SV2C: variants seen among roughly 807,000 people sequenced by gnomAD.
SV2C encodes the protein synaptic vesicle glycoprotein 2C.
A neutral mutation model predicts 79.7 loss-of-function variants in SV2C; 49 were observed. The observed-to-expected ratio is 0.61, with a 90% CI of 0.49 to 0.78. The LOEUF (loss-of-function observed/expected upper bound fraction) is 0.78, where lower values mean the gene tolerates loss of function less well. Ranked by LOEUF, SV2C falls within the 30% of genes least tolerant of loss-of-function variation. SV2C has a pLI of 0.00. For missense variants in SV2C, 833 were observed against 912.9 expected, an observed-to-expected ratio of 0.91 and a Z score of 1.13; for synonymous variants, 334 against 333.2, an observed-to-expected ratio of 1.00 and a Z score of -0.03.
the SV2C span, chr5:75,921,615 C>T: frequency 1.0e-6 from 1 of 960,738 alleles, no homozygotes. Flanking sequence ...GTGTTCTTCT[C>T]CCCCTTCTTG....
At chr5:76,026,765 G>A in the SV2C span, among the ~76,000 whole-genome samples, 1 of 152,138 alleles carries the variant, frequency 6.6e-6, no homozygotes, top group Admixed American at 6.5e-5. Context: ...AACAAATAAA[G>A]ATGATCCTAG....
At chr5:76,308,913 G>A (rs570878918) in intron 12 of SV2C, among the ~76,000 whole-genome samples, 45 of 152,216 alleles carry the variant, frequency 3.0e-4, no homozygotes, top group South Asian at 4.2e-4. Context: ...TGATACAACC[G>A]TGAGTAAATC....
chr5:75,998,467 A>G, the SV2C span, among the ~76,000 whole-genome samples: 2 of 152,172 alleles, frequency 1.3e-5, no homozygotes, highest in African/African-American at 2.4e-5. Context: ...GAAGGTACCC[A>G]TCCTCAACTG....
intron 4 of SV2C, among the ~76,000 whole-genome samples, chr5:76,269,902 C>T (rs953478870): frequency 2.6e-5 from 4 of 152,164 alleles, no homozygotes; most frequent in Non-Finnish European, 4.4e-5. Context: ...CCTAGAAAAC[C>T]GTTCACTGGG....
At chr5:76,249,333 G>A (rs1458370006) in intron 4 of SV2C, among the ~76,000 whole-genome samples, 2 of 152,120 alleles carry the variant, frequency 1.3e-5, no homozygotes, top group African/African-American at 4.8e-5. Context: ...TTATTTTAAT[G>A]CATTCAAACA....
chr5:76,171,039 G>A lies in SV2C; in HGVS notation c.581-23880G>A, dbSNP rs1242379244. On this transcript the variant is annotated intron_variant, in intron 2 of 12. Transcript: ENST00000502798. ...TCTCAGTCTTTGCCGCCGCGCCGGC[G>A]AGCGCCGCCCGGGAGGCAGCGGCTG... The A allele has an allele frequency of 4.9e-3, 773 of 156,440 alleles. 37 individuals are homozygous for A. Among genetic ancestry groups the A allele is most frequent in the Non-Finnish European group, 3.4e-3 (294 of 87,126 alleles). 9.7% of individuals were successfully genotyped at this position (156,440 alleles called of 1,614,324 possible).
chr5:75,970,701 A>C, the SV2C span, among the ~76,000 whole-genome samples: 44 of 152,180 alleles, frequency 2.9e-4, no homozygotes, highest in African/African-American at 1.0e-3. Flanking sequence ...CAACCAAAAA[A>C]AGTCCAGGAC....
chr5:75,947,152 G>A, the SV2C span, among the ~76,000 whole-genome samples: 901 of 152,098 alleles, frequency 5.9e-3, 8 homozygotes, highest in Non-Finnish European at 9.6e-3. Flanking sequence ...GTGCCAGTGG[G>A]AATAAAGATA....
At chr5:75,991,240 G>A in the SV2C span, among the ~76,000 whole-genome samples, 1 of 151,604 alleles carries the variant, frequency 6.6e-6, no homozygotes. Flanking sequence ...CTGACAATAG[G>A]CACATTGTAG....
intron 2 of SV2C, among the ~76,000 whole-genome samples, chr5:76,188,456 G>A (rs35145554): frequency 0.096 from 14,623 of 152,152 alleles, 888 homozygotes; most frequent in Non-Finnish European, 0.13. Context: ...GGTTGGGGAA[G>A]GGTTCAGATC....
chr5:76,114,341 C>T (rs1748192250), intron 1 of SV2C, among the ~76,000 whole-genome samples: 3 of 152,092 alleles, frequency 2.0e-5, no homozygotes, highest in Admixed American at 2.0e-4. Context: ...TTTATAGCCA[C>T]CACCCTAAGA....
At chr5:75,901,065 G>C in the SV2C span, among the ~76,000 whole-genome samples, 1 of 152,200 alleles carries the variant, frequency 6.6e-6, no homozygotes, top group African/African-American at 2.4e-5. Context: ...TTGATCATCT[G>C]AAGCCTTCTT....
At chr5:75,995,588 A>G in the SV2C span, among the ~76,000 whole-genome samples, 2 of 152,134 alleles carry the variant, frequency 1.3e-5, no homozygotes, top group Non-Finnish European at 1.5e-5. Flanking sequence ...AACAAATAAG[A>G]TAACAACCAT....
the SV2C span, among the ~76,000 whole-genome samples, chr5:75,941,904 A>G: frequency 6.6e-6 from 1 of 152,246 alleles, no homozygotes; most frequent in Non-Finnish European, 1.5e-5. Flanking sequence ...CCCTGGAGAA[A>G]GGAATGCTGC....
chr5:75,865,379 A>G, the SV2C span, among the ~76,000 whole-genome samples: 1 of 152,194 alleles, frequency 6.6e-6, no homozygotes, highest in Non-Finnish European at 1.5e-5. Flanking sequence ...GGTCATATAA[A>G]GGGTCCCATG....
the SV2C span, among the ~76,000 whole-genome samples, chr5:75,865,901 T>G: frequency 9.7e-4 from 147 of 152,294 alleles, 1 homozygote; most frequent in African/African-American, 3.3e-3. Context: ...GGCACATGAA[T>G]GGAGTGGCCT....
intron 4 of SV2C, among the ~76,000 whole-genome samples, chr5:76,262,535 A>C (rs76810953): frequency 0.095 from 14,500 of 152,122 alleles, 760 homozygotes; most frequent in South Asian, 0.17. Context: ...GTCGATTTTA[A>C]GGGATCTTTC....
intron 4 of SV2C, among the ~76,000 whole-genome samples, chr5:76,227,023 C>T (rs1008033743): frequency 6.6e-6 from 1 of 152,046 alleles, no homozygotes; most frequent in Non-Finnish European, 1.5e-5. Context: ...ACAGAAAGGG[C>T]CTGCTCAAGG....
At chr5:76,300,685 C>A (rs748694346) in intron 10 of SV2C, 44 bp from the exon 11 acceptor site, 1 of 1,585,766 alleles carries the variant, frequency 6.3e-7, no homozygotes, top group South Asian at 1.1e-5. Flanking sequence ...CTGGTGCATG[C>A]CTGGTAAGAG....
Sources: gnomAD v4.1 joint callset for allele counts (sites outside exome capture counted in the v4.1 genomes callset) on GRCh38, gnomAD v4.1.1 for gene constraint, MANE v1.5 for transcripts, NCBI Gene and HGNC (gene_info 2026-07-23, HGNC 2026-07-21) for gene names.